ULK4: variants seen among roughly 807,000 people sequenced by gnomAD.
The protein encoded by ULK4 is unc-51 like kinase 4.
A neutral mutation model predicts 160.6 loss-of-function variants in ULK4; 133 were observed. That is an observed-to-expected ratio of 0.83 (90% CI 0.72 to 0.96). ULK4 has a LOEUF of 0.96. Among genes scored for constraint, ULK4 ranks in the 40% least tolerant of loss-of-function variants. The pLI, the probability that ULK4 is intolerant of heterozygous loss-of-function variation, is 0.00. For synonymous variants in ULK4, 534 were observed against 539.8 expected (o/e 0.99, Z 0.15); for missense variants, 1,580 against 1,499.5 (o/e 1.05, Z -0.89).
At chr3:41,290,710 C>T (rs2079543227) in intron 35 of ULK4, among the ~76,000 whole-genome samples, 1 of 152,204 alleles carries the variant, frequency 6.6e-6, no homozygotes, top group Non-Finnish European at 1.5e-5. Context: ...TTGAACTCCT[C>T]TAGGTCATGT....
rs189614150 is a variant in ULK4 at position 41,684,541 on chromosome 3, G to A, written c.2782-2737C>T. 4.0e-3 allele frequency among the ~76,000 whole-genome samples: 604 copies of A among 152,254 alleles called. 5 individuals are homozygous for A. The highest frequency in any genetic ancestry group is 0.017 in the Middle Eastern group (5 of 294). On this transcript the variant is annotated intron_variant, in intron 27 of 36. Coordinates refer to ENST00000301831, the MANE Select transcript of ULK4 (RefSeq NM_017886.4). ...TCATGTCAGGTAGCCAGTCTGAAAG[G>A]ACCTGGAGACTGAGACACATAAGCA... is the stretch of plus-strand genomic sequence containing the variant.
intron 31 of ULK4, among the ~76,000 whole-genome samples, chr3:41,588,536 G>A (rs575333515): frequency 6.6e-6 from 1 of 152,274 alleles, no homozygotes; most frequent in Non-Finnish European, 1.5e-5. Context: ...TGGCAAGAGA[G>A]GCCCAGGTCT....
chr3:41,303,887 C>T (rs1449764644), intron 35 of ULK4, among the ~76,000 whole-genome samples: 1 of 152,048 alleles, frequency 6.6e-6, no homozygotes, highest in Non-Finnish European at 1.5e-5. Flanking sequence ...AAAAGGTGTT[C>T]AGAGCTCCCC....
At chr3:41,453,734 T>C (rs2083473676) in intron 34 of ULK4, among the ~76,000 whole-genome samples, 1 of 152,162 alleles carries the variant, frequency 6.6e-6, no homozygotes, top group African/African-American at 2.4e-5. Context: ...TGCATTATTA[T>C]TGTTATTGTT....
intron 34 of ULK4, among the ~76,000 whole-genome samples, chr3:41,408,427 CAAAAAAAAAAAAAAA>C (rs59444673): frequency 2.3e-5 from 1 of 44,104 alleles, no homozygotes; most frequent in Non-Finnish European, 4.6e-5. Flanking sequence ...GACTCCATCT[CAAAAAAAAAAAAAAA>C]AAAAAAAAAA....
chr3:41,346,287 G>A (rs1308285915), intron 35 of ULK4, among the ~76,000 whole-genome samples: 3 of 152,012 alleles, frequency 2.0e-5, no homozygotes, highest in Non-Finnish European at 4.4e-5. Flanking sequence ...CCTCTTCCAC[G>A]ACCCACCACT....
At chr3:41,440,121 T>C (rs1398600851) in intron 34 of ULK4, among the ~76,000 whole-genome samples, 2 of 152,194 alleles carry the variant, frequency 1.3e-5, no homozygotes, top group Non-Finnish European at 2.9e-5. Context: ...ATTTTCAACA[T>C]AGACATCATG....
chr3:41,574,903 T>C (rs1016426676), intron 31 of ULK4, among the ~76,000 whole-genome samples: 1 of 151,370 alleles, frequency 6.6e-6, no homozygotes, highest in African/African-American at 2.4e-5. Flanking sequence ...GGCTTAAATC[T>C]GGAAGGCTGT....
intron 17 of ULK4, among the ~76,000 whole-genome samples, chr3:41,868,667 AT>A (rs148042640): frequency 0.32 from 46,838 of 148,518 alleles, 10,606 homozygotes; most frequent in African/African-American, 0.65. Context: ...TTTTTTTTGT[AT>A]TTTTTTTTTA....
At position 41,935,946 on chromosome 3, in the gene ULK4, A is replaced by G. The variant is rs909759807; in HGVS notation, c.239-6T>C. ...AACTGTTTTTAAGGAACCACCTGCA[A>G]GAGGTTGATTAAAATCACCCATTTC... is the stretch of plus-strand genomic sequence containing the variant. On this transcript the variant is annotated splice_polypyrimidine_tract_variant and splice_region_variant and intron_variant, in intron 3 of 36. Transcript: ENST00000301831. The G allele has an allele frequency of 2.5e-5, 40 of 1,612,308 alleles. No individual in the cohort carries two copies. Among genetic ancestry groups the G allele is most frequent in the Non-Finnish European group, 3.2e-5 (38 of 1,179,594 alleles).
In ULK4 at chr3:41,448,914, C is replaced by G. The variant is rs2083365375; in HGVS notation, c.3492+6583G>C. Among the ~76,000 whole-genome samples the G allele has an allele frequency of 2.6e-5, 4 of 152,252 alleles. No homozygotes were observed. In the South Asian group the frequency reaches 8.3e-4, roughly 32 times the overall value. ...TTATTTTATTTTTTCAAGATGGAGT[C>G]TCACTCTGTCACCCAGGCTGGAGTG... On this transcript the variant is annotated intron_variant, in intron 34 of 36. Transcript: ENST00000301831.
At chr3:41,452,192 T>A (rs767048133) in intron 34 of ULK4, among the ~76,000 whole-genome samples, 3 of 152,134 alleles carry the variant, frequency 2.0e-5, no homozygotes, top group Non-Finnish European at 2.9e-5. Context: ...CTGCTCTTCA[T>A]CTACATCAGA....
intron 35 of ULK4, among the ~76,000 whole-genome samples, chr3:41,373,935 T>C (rs190641414): frequency 6.6e-6 from 1 of 152,070 alleles, no homozygotes; most frequent in African/African-American, 2.4e-5. Context: ...ATAGATGCAA[T>C]AAAAAATGAT....
At chr3:41,909,185 G>T (rs1367088527) in intron 11 of ULK4, among the ~76,000 whole-genome samples, 2 of 151,270 alleles carry the variant, frequency 1.3e-5, no homozygotes, top group African/African-American at 4.9e-5. Flanking sequence ...AGCTTAAACA[G>T]TGTAGGTGAA....
intron 32 of ULK4, among the ~76,000 whole-genome samples, chr3:41,486,650 G>A (rs972155023): frequency 6.6e-6 from 1 of 152,058 alleles, no homozygotes; most frequent in Non-Finnish European, 1.5e-5. Context: ...TTCTATAGTT[G>A]GTCCTGAGTT....
At chr3:41,413,010 G>C (rs1041781253) in intron 34 of ULK4, among the ~76,000 whole-genome samples, 23 of 152,288 alleles carry the variant, frequency 1.5e-4, no homozygotes, top group African/African-American at 5.1e-4. Flanking sequence ...ACCAGAGATT[G>C]GGTAATTTAT....
In ULK4 at chr3:41,518,833, A is replaced by G. The variant is rs1228354162; in HGVS notation, c.3226+47192T>C. Among the ~76,000 whole-genome samples the G allele has an allele frequency of 2.6e-5, 4 of 152,346 alleles. No homozygotes were observed. The South Asian group carries it at 6.2e-4, about 24-fold the overall frequency. Reference sequence around the variant, plus strand: ...TTTCCTGAGCGTCAGCAGCCTAGACATAAGGGAATAAAAGTGAATGTATGT... The same window carrying G: ...TTTCCTGAGCGTCAGCAGCCTAGACGTAAGGGAATAAAAGTGAATGTATGT... On this transcript the variant is annotated intron_variant, in intron 32 of 36. Transcript: ENST00000301831.
chr3:41,806,157 T>G (rs1238046290), intron 19 of ULK4, among the ~76,000 whole-genome samples: 1 of 148,022 alleles, frequency 6.8e-6, no homozygotes, highest in African/African-American at 2.6e-5. Flanking sequence ...TGCCACAATT[T>G]CAGAGCCTGT....
intron 19 of ULK4, among the ~76,000 whole-genome samples, chr3:41,812,576 A>T (rs2040849093): frequency 6.6e-6 from 1 of 152,228 alleles, no homozygotes; most frequent in South Asian, 2.1e-4. Flanking sequence ...TGGGAATTTC[A>T]GTCTCAGATG....
Sources: gnomAD v4.1 joint callset for allele counts (sites outside exome capture counted in the v4.1 genomes callset) on GRCh38, gnomAD v4.1.1 for gene constraint, MANE v1.5 for transcripts, NCBI Gene and HGNC (gene_info 2026-07-23, HGNC 2026-07-21) for gene names.